FAM13A: variants seen among roughly 807,000 people sequenced by gnomAD.
The protein encoded by FAM13A is protein FAM13A.
In FAM13A, 76 loss-of-function variants were observed where a neutral mutation model predicts 129.6. That is an observed-to-expected ratio of 0.59 (90% CI 0.49 to 0.71). FAM13A has a LOEUF of 0.71. Among genes scored for constraint, FAM13A ranks in the 30% least tolerant of loss-of-function variants. FAM13A has a pLI of 0.00. For missense variants in FAM13A, 1,108 were observed against 1,249.3 expected (o/e 0.89, Z 1.70); for synonymous variants, 443 against 449.9 (o/e 0.98, Z 0.20).
At chr4:88,891,541 A>G (rs1405183031) in intron 6 of FAM13A, among the ~76,000 whole-genome samples, 4 of 152,248 alleles carry the variant, frequency 2.6e-5, no homozygotes, top group Non-Finnish European at 2.9e-5. Context: ...CATGGATACA[A>G]CCATACTAAA....
chr4:89,046,567 T>C (rs779276076), intron 1 of FAM13A, among the ~76,000 whole-genome samples: 50 of 151,968 alleles, frequency 3.3e-4, no homozygotes, highest in Admixed American at 2.5e-3. Flanking sequence ...AAGAAAAGAG[T>C]GGCCGGGCAC....
intron 7 of FAM13A, among the ~76,000 whole-genome samples, chr4:88,840,775 G>A: frequency 6.6e-6 from 1 of 151,816 alleles, no homozygotes; most frequent in South Asian, 2.1e-4. Flanking sequence ...GAAAGTTAAT[G>A]TTCTCAGAAA....
intron 8 of FAM13A, among the ~76,000 whole-genome samples, chr4:88,793,234 C>T (rs1725514539): frequency 6.6e-6 from 1 of 151,958 alleles, no homozygotes; most frequent in Admixed American, 6.6e-5. Flanking sequence ...ATACGGAAAA[C>T]TCATGTTAAC....
At chr4:88,851,243 T>A (rs1737524512) in intron 6 of FAM13A, 60 bp from the exon 7 acceptor site, 2 of 1,419,392 alleles carry the variant, frequency 1.4e-6, no homozygotes, top group East Asian at 4.7e-5. Flanking sequence ...GTCTTTCAAA[T>A]TAAGTTTATG....
chr4:88,745,662 CATTTTGA>C (rs1351876005), intron 19 of FAM13A, among the ~76,000 whole-genome samples: 2 of 152,196 alleles, frequency 1.3e-5, no homozygotes, highest in Admixed American at 6.5e-5. Flanking sequence ...TGCCTCTACA[CATTTTGA>C]ATATTCCGGT....
At chr4:89,010,610 C>G (rs1480189175) in intron 3 of FAM13A, among the ~76,000 whole-genome samples, 1 of 152,196 alleles carries the variant, frequency 6.6e-6, no homozygotes, top group Non-Finnish European at 1.5e-5. Flanking sequence ...TGCCTCTGGC[C>G]TTATCTAAAC....
At chr4:88,892,329 G>A (rs372597129) in intron 6 of FAM13A, among the ~76,000 whole-genome samples, 4 of 151,996 alleles carry the variant, frequency 2.6e-5, no homozygotes, top group African/African-American at 7.2e-5. Flanking sequence ...ACAGGCGCCC[G>A]CCACCACGCC....
intron 13 of FAM13A, chr4:88,759,395 G>A (rs1202346326): frequency 6.5e-6 from 1 of 154,550 alleles, no homozygotes; most frequent in Non-Finnish European, 1.5e-5. Flanking sequence ...TGGCTGCTTA[G>A]ATCAATTAAG....
chr4:88,807,051 T>C (rs1005864419), intron 7 of FAM13A, among the ~76,000 whole-genome samples: 3 of 152,210 alleles, frequency 2.0e-5, no homozygotes, highest in African/African-American at 7.2e-5. Context: ...GGCCTCCATA[T>C]TTTGTAAAAT....
At chr4:88,951,921 G>A (rs1222567505) in intron 4 of FAM13A, among the ~76,000 whole-genome samples, 4 of 152,152 alleles carry the variant, frequency 2.6e-5, no homozygotes, top group African/African-American at 7.2e-5. Flanking sequence ...GCATGACTTA[G>A]AGGGAACTAA....
intron 4 of FAM13A, among the ~76,000 whole-genome samples, chr4:88,961,346 C>CTTT (rs1560548919): frequency 2.2e-5 from 2 of 89,326 alleles, no homozygotes; most frequent in Non-Finnish European, 4.6e-5. Context: ...GTGGAATTTG[C>CTTT]CTTTTTTTTT....
chr4:88,727,792 T>C lies in FAM13A; in HGVS notation c.*741A>G, dbSNP rs1736727871. Reference sequence around the variant, plus strand: ...CTTCTCCCATGACCTGGTTTTAAAATCAGCATTCATACAGCTGCTTACCAT... The same window carrying C: ...CTTCTCCCATGACCTGGTTTTAAAACCAGCATTCATACAGCTGCTTACCAT... On this transcript the variant is annotated 3_prime_UTR_variant, in exon 24 of 24. Coordinates refer to ENST00000264344, the MANE Select transcript of FAM13A (RefSeq NM_014883.4). The C allele has an allele frequency of 6.6e-6, 1 of 152,242 alleles. No homozygotes were observed. Among genetic ancestry groups the C allele is most frequent in the Non-Finnish European group, 1.5e-5 (1 of 68,060 alleles). 9.4% of individuals were successfully genotyped at this position (152,242 alleles called of 1,614,324 possible). A position where few individuals can be genotyped will look rare whatever the true frequency, so the allele number is the denominator to read the frequency against.
chr4:88,871,591 A>G (rs540500115), intron 6 of FAM13A, among the ~76,000 whole-genome samples: 27 of 152,360 alleles, frequency 1.8e-4, no homozygotes, highest in Admixed American at 5.9e-4. Flanking sequence ...AGAGAAGTTT[A>G]GAGAAAAAAG....
intron 7 of FAM13A, among the ~76,000 whole-genome samples, chr4:88,805,574 A>C (rs1467419739): frequency 1.3e-5 from 2 of 152,208 alleles, no homozygotes; most frequent in African/African-American, 4.8e-5. Context: ...AGTATTAACT[A>C]GTGTGTATAA....
intron 8 of FAM13A, among the ~76,000 whole-genome samples, chr4:88,801,074 C>T (rs1470430241): frequency 6.6e-6 from 1 of 152,200 alleles, no homozygotes; most frequent in East Asian, 1.9e-4. Context: ...CATACAAATT[C>T]TAGCATAAGT....
At chr4:88,735,764 T>C (rs899433769) in intron 21 of FAM13A, among the ~76,000 whole-genome samples, 1 of 152,204 alleles carries the variant, frequency 6.6e-6, no homozygotes, top group African/African-American at 2.4e-5. Flanking sequence ...AAGACAGCAC[T>C]GTTTACAAAA....
intron 4 of FAM13A, among the ~76,000 whole-genome samples, chr4:88,945,530 A>T (rs1755521751): frequency 6.6e-6 from 1 of 151,936 alleles, no homozygotes; most frequent in East Asian, 1.9e-4. Flanking sequence ...AGAATTCCCC[A>T]ATCAGTAGTT....
chr4:88,882,003 C>T (rs1184608992), intron 6 of FAM13A, among the ~76,000 whole-genome samples: 1 of 152,010 alleles, frequency 6.6e-6, no homozygotes, highest in African/African-American at 2.4e-5. Context: ...CCAAACCTAA[C>T]CATAATTGTT....
intron 7 of FAM13A, among the ~76,000 whole-genome samples, chr4:88,848,798 T>C (rs148569911): frequency 3.9e-5 from 6 of 152,324 alleles, no homozygotes; most frequent in Admixed American, 1.3e-4. Context: ...AAATATGGGA[T>C]ATAGTTTTTC....
Sources: gnomAD v4.1 joint callset for allele counts (sites outside exome capture counted in the v4.1 genomes callset) on GRCh38, gnomAD v4.1.1 for gene constraint, MANE v1.5 for transcripts, NCBI Gene and HGNC (gene_info 2026-07-23, HGNC 2026-07-21) for gene names.